CNTNAP2: variants seen among roughly 807,000 people sequenced by gnomAD.
The protein encoded by CNTNAP2 is contactin-associated protein-like 2.
In CNTNAP2, 98 loss-of-function variants were observed where a neutral mutation model predicts 155.2. The observed-to-expected ratio is 0.63, with a 90% CI of 0.54 to 0.75. The LOEUF (loss-of-function observed/expected upper bound fraction) is 0.75, where lower values mean the gene tolerates loss of function less well. Ranked by LOEUF, CNTNAP2 falls within the 30% of genes least tolerant of loss-of-function variation. CNTNAP2 has a pLI of 0.00. For synonymous variants in CNTNAP2, 651 were observed against 631.2 expected (o/e 1.03, Z -0.47); for missense variants, 1,727 against 1,688.1 (o/e 1.02, Z -0.40).
intron 1 of CNTNAP2, among the ~76,000 whole-genome samples, chr7:146,173,948 T>C (rs1798431186): frequency 6.6e-6 from 1 of 152,102 alleles, no homozygotes; most frequent in African/African-American, 2.4e-5. Flanking sequence ...GGCTCAAGCC[T>C]GAAATCTCAA....
intron 13 of CNTNAP2, among the ~76,000 whole-genome samples, chr7:147,775,029 G>T (rs1015861789): frequency 2.0e-5 from 3 of 150,852 alleles, no homozygotes; most frequent in African/African-American, 7.3e-5. Flanking sequence ...TTAACATAAG[G>T]CAGACATTCT....
intron 1 of CNTNAP2, among the ~76,000 whole-genome samples, chr7:146,537,218 G>A (rs1431670537): frequency 6.6e-6 from 1 of 151,998 alleles, no homozygotes; most frequent in Admixed American, 6.6e-5. Context: ...CCTATTTGGA[G>A]GGAGAAAAGG....
chr7:148,303,129 T>C (rs769984338), intron 21 of CNTNAP2, among the ~76,000 whole-genome samples: 2 of 152,204 alleles, frequency 1.3e-5, no homozygotes, highest in South Asian at 4.2e-4. Context: ...AGTGTGAAAA[T>C]GGACTAATAC....
chr7:148,136,118 G>A (rs1438233594), intron 16 of CNTNAP2, among the ~76,000 whole-genome samples: 2 of 125,562 alleles, frequency 1.6e-5, no homozygotes, highest in Non-Finnish European at 3.4e-5. Context: ...GGGAGGAAGG[G>A]AGGGAAGGGA....
intron 21 of CNTNAP2, among the ~76,000 whole-genome samples, chr7:148,343,216 A>T (rs999244837): frequency 3.3e-5 from 5 of 152,196 alleles, no homozygotes; most frequent in African/African-American, 1.2e-4. Flanking sequence ...TATAGCCATG[A>T]GGCATCTGTG....
At chr7:148,413,436 ATATATATATATT>A (rs1799899224) in intron 23 of CNTNAP2, among the ~76,000 whole-genome samples, 1 of 107,178 alleles carries the variant, frequency 9.3e-6, no homozygotes, top group African/African-American at 3.7e-5. Flanking sequence ...ATATATATAT[ATATATATATATT>A]GCTCCATAGT....
chr7:147,883,351 T>A (rs1281834703), intron 13 of CNTNAP2, among the ~76,000 whole-genome samples: 1 of 152,184 alleles, frequency 6.6e-6, no homozygotes, highest in Non-Finnish European at 1.5e-5. Flanking sequence ...TTATTGAGCT[T>A]CCTGAAAAGA....
At chr7:148,194,813 A>G (rs768575106) in intron 18 of CNTNAP2, among the ~76,000 whole-genome samples, 1 of 152,164 alleles carries the variant, frequency 6.6e-6, no homozygotes, top group Non-Finnish European at 1.5e-5. Context: ...CCCTCAATGG[A>G]TTGGATGGTG....
At chr7:147,737,268 T>TG (rs1379272633) in intron 13 of CNTNAP2, among the ~76,000 whole-genome samples, 1 of 152,200 alleles carries the variant, frequency 6.6e-6, no homozygotes, top group East Asian at 1.9e-4. Context: ...GCAGGTCTGT[T>TG]GGAGTTTGCT....
At chr7:147,074,049 T>A (rs2129266394) in intron 4 of CNTNAP2, among the ~76,000 whole-genome samples, 1 of 152,294 alleles carries the variant, frequency 6.6e-6, no homozygotes, top group South Asian at 2.1e-4. Flanking sequence ...TATTTCTTGG[T>A]ATATGACAGT....
chr7:147,641,451 G>A (rs1795277304), intron 13 of CNTNAP2, among the ~76,000 whole-genome samples: 1 of 152,074 alleles, frequency 6.6e-6, no homozygotes, highest in African/African-American at 2.4e-5. Flanking sequence ...AATACCTGGT[G>A]AGATAATAAA....
chr7:148,061,826 T>A (rs549591917), intron 15 of CNTNAP2, among the ~76,000 whole-genome samples: 13 of 133,288 alleles, frequency 9.8e-5, no homozygotes, highest in African/African-American at 3.4e-4. Flanking sequence ...GTGTGTGTAG[T>A]CTAGATACCT....
intron 8 of CNTNAP2, among the ~76,000 whole-genome samples, chr7:147,147,865 T>C (rs1182961629): frequency 6.6e-6 from 1 of 152,146 alleles, no homozygotes; most frequent in Non-Finnish European, 1.5e-5. Context: ...GAAAAAATTA[T>C]ATAATGAGAG....
At chr7:146,511,857 G>C (rs1361667275) in intron 1 of CNTNAP2, among the ~76,000 whole-genome samples, 1 of 152,016 alleles carries the variant, frequency 6.6e-6, no homozygotes, top group Non-Finnish European at 1.5e-5. Context: ...ATTGTTATTG[G>C]TTCTTCTTTA....
intron 1 of CNTNAP2, among the ~76,000 whole-genome samples, chr7:146,179,131 G>A (rs1798513198): frequency 6.6e-6 from 1 of 152,062 alleles, no homozygotes; most frequent in African/African-American, 2.4e-5. Context: ...AGCTCTTTTG[G>A]GGAAACAGAA....
At chr7:147,284,722 C>T (rs1289350621) in intron 8 of CNTNAP2, among the ~76,000 whole-genome samples, 1 of 151,870 alleles carries the variant, frequency 6.6e-6, no homozygotes, top group Non-Finnish European at 1.5e-5. Context: ...CATTTTTCCA[C>T]ACAAGTTTTG....
chr7:146,823,472 G>T (rs867789924), intron 2 of CNTNAP2, among the ~76,000 whole-genome samples: 29 of 109,006 alleles, frequency 2.7e-4, no homozygotes, highest in Non-Finnish European at 4.0e-4. Flanking sequence ...TATTTACATG[G>T]AAATATACTC....
intron 1 of CNTNAP2, among the ~76,000 whole-genome samples, chr7:146,400,357 T>C (rs1358079): frequency 0.12 from 18,809 of 152,196 alleles, 1,631 homozygotes; most frequent in African/African-American, 0.24. Context: ...TGTTCTCGAC[T>C]TTGTTTCTGC....
At chr7:146,289,580 G>A (rs1238209132) in intron 1 of CNTNAP2, among the ~76,000 whole-genome samples, 2 of 152,064 alleles carry the variant, frequency 1.3e-5, no homozygotes, top group East Asian at 1.9e-4. Context: ...AAATCAACAG[G>A]TACAAGTCAA....
Sources: gnomAD v4.1 joint callset for allele counts (sites outside exome capture counted in the v4.1 genomes callset) on GRCh38, gnomAD v4.1.1 for gene constraint, MANE v1.5 for transcripts, NCBI Gene and HGNC (gene_info 2026-07-23, HGNC 2026-07-21) for gene names.